The following APPL2 variants were observed in gnomAD, a reference collection of about 807,000 sequenced individuals.
APPL2 encodes the protein DCC-interacting protein 13-beta.
Under a neutral mutation model 92.7 loss-of-function variants are expected in APPL2, and 84 were observed. That is an observed-to-expected ratio of 0.91 (90% CI 0.76 to 1.09). APPL2 has a LOEUF of 1.09. Ranked by LOEUF, APPL2 falls within the 50% of genes least tolerant of loss-of-function variation. APPL2 has a pLI of 0.00. For synonymous variants in APPL2, 291 were observed against 291.0 expected (o/e 1.00, Z 0.00); for missense variants, 736 against 824.5 (o/e 0.89, Z 1.31).
Position 105,186,607 on chromosome 12 carries a change from TATATATATCATATATATATC to T in APPL2, c.1634+1646_1634+1665del, listed in dbSNP as rs202173519. Among the ~76,000 whole-genome samples, 819 of 88,012 alleles carry T rather than the reference TATATATATCATATATATATC, an allele frequency of 9.3e-3. 17 individuals carry two copies. The highest frequency in any genetic ancestry group is 0.044 in the African/African-American group (781 of 17,714). 57.7% of individuals were successfully genotyped at this position (88,012 alleles called of 152,430 possible). Reference sequence around the variant, plus strand: ...TGCTAAACGCTTATTTTCCATTAAATATATATATCATATATATATCATATATATCATATATATGATATCGA... The same window carrying T: ...TGCTAAACGCTTATTTTCCATTAAATATATATATCATATATATGATATCGA... On this transcript the variant is annotated intron_variant, in intron 17 of 20. Transcript: ENST00000258530.
intron 9 of APPL2, among the ~76,000 whole-genome samples, chr12:105,201,076 T>C (rs1273388489): frequency 4.6e-5 from 7 of 152,034 alleles, no homozygotes; most frequent in Non-Finnish European, 7.4e-5. Flanking sequence ...ACCCAGCTCA[T>C]TTTTGTATTT....
chr12:105,211,234 G>C lies in APPL2; in HGVS notation c.369C>G (p.Leu123=). The change falls in exon 5 of 21, where the codon CTC becomes CTG. Residue 123 remains leucine, a synonymous_variant. Coordinates refer to ENST00000258530, the MANE Select transcript of APPL2 (RefSeq NM_018171.5). ...LPIIQFREKD[L]TEVSTLKDLF... ...CATTGAACTCAGTTACTTTACCTGT[G>C]AGATCCTTTTCTCGGAATTGTATGA... The C allele has an allele frequency of 6.2e-7, 1 of 1,610,928 alleles. No homozygotes were observed. Among genetic ancestry groups the C allele is most frequent in the South Asian group, 1.1e-5 (1 of 90,992 alleles).
chr12:105,175,667 G>A (rs1885462163), intron 20 of APPL2, among the ~76,000 whole-genome samples: 1 of 152,200 alleles, frequency 6.6e-6, no homozygotes. Flanking sequence ...TTTCTTAAAA[G>A]CTCCCAGGTG....
In APPL2 at chr12:105,217,651, T is replaced by G. The variant is rs770779939; in HGVS notation, c.213+15A>C. 1.5e-5 allele frequency: 25 copies of G among 1,613,852 alleles called. 2 individuals carry two copies. In the South Asian group the frequency reaches 2.5e-4, roughly 16 times the overall value. The stretch of plus-strand genomic sequence containing the variant: ...GAACACAGCAGCATCACAGGCCACA[T>G]AAATACCAAGTTACCTGTTTTTCAT... On this transcript the variant is annotated intron_variant, in intron 3 of 20. Transcript: ENST00000258530.
At chr12:105,206,974 G>A (rs12311156) in intron 8 of APPL2, 87 bp downstream of exon 8, 151,419 of 1,487,530 alleles carry the variant, frequency 0.1, 8,776 homozygotes, top group African/African-American at 0.22. Flanking sequence ...TTCTTTCTAC[G>A]ACGATGCTTC....
chr12:105,207,176 G>A lies in APPL2; in HGVS notation c.506C>T (p.Ala169Val), dbSNP rs1422505852. ...VKTEVGKEVA[A>V]ARRKQHLSSL... Reference sequence around the variant, plus strand: ...GGAGAGGTGCTGCTTCCGCCGGGCCGCGGCCACCTCTTTTCCGACTTCGGT... The same window carrying A: ...GGAGAGGTGCTGCTTCCGCCGGGCCACGGCCACCTCTTTTCCGACTTCGGT... The change falls in exon 8 of 21, where the codon GCG becomes GTG. Residue 169 changes from alanine to valine, a missense_variant. By Grantham distance (64) the Ala-to-Val change is moderately conservative. Coordinates refer to ENST00000258530, the MANE Select transcript of APPL2 (RefSeq NM_018171.5). 5.6e-6 allele frequency: 9 copies of A among 1,613,728 alleles called. No individual in the cohort carries two copies. The highest frequency in any genetic ancestry group is 5.5e-5 in the South Asian group (5 of 91,000).
chr12:105,190,270 A>G, intron 14 of APPL2, 115 bp from the exon 15 acceptor site: 4 of 1,095,964 alleles, frequency 3.6e-6, no homozygotes, highest in Non-Finnish European at 3.9e-6. Context: ...GATTGACCTC[A>G]ATCCCTTAAT....
Position 105,176,046 on chromosome 12 carries a change from CAAT to C in APPL2, c.1846_1848del (p.Ile616del), listed in dbSNP as rs1885510601. On this transcript the variant is annotated inframe_deletion, in exon 20 of 21. Transcript: ENST00000258530. ...AGAATGCATCTTACCTTCTGAACCT[CAAT>C]AATTTCTTTTCCCAAATTAATAGCA... 1 of 1,592,780 alleles carries C rather than the reference CAAT, an allele frequency of 6.3e-7. No individual in the cohort carries two copies. Among genetic ancestry groups the C allele is most frequent in the Admixed American group, 1.8e-5 (1 of 55,350 alleles).
At chr12:105,200,101 T>A (rs1888032049) in intron 9 of APPL2, among the ~76,000 whole-genome samples, 1 of 152,162 alleles carries the variant, frequency 6.6e-6, no homozygotes, top group Non-Finnish European at 1.5e-5. Context: ...CCCAAAGTGC[T>A]GGGATTACAG....
chr12:105,200,561 C>T (rs954603058), intron 9 of APPL2, among the ~76,000 whole-genome samples: 16 of 152,192 alleles, frequency 1.1e-4, no homozygotes, highest in African/African-American at 3.9e-4. Context: ...CCCTACTGAG[C>T]TAGACCGCAC....
intron 9 of APPL2, among the ~76,000 whole-genome samples, chr12:105,201,328 C>T (rs748886228): frequency 6.6e-5 from 10 of 152,144 alleles, no homozygotes; most frequent in African/African-American, 1.9e-4. Context: ...TCATTAGCTT[C>T]GCCTGCTTGT....
At chr12:105,231,900 A>C (rs917343972) in intron 1 of APPL2, among the ~76,000 whole-genome samples, 9 of 152,218 alleles carry the variant, frequency 5.9e-5, no homozygotes, top group African/African-American at 2.2e-4. Context: ...GTCTGCTCAA[A>C]CTTTGGTTTG....
chr12:105,190,932 A>G (rs1887140881), intron 14 of APPL2, among the ~76,000 whole-genome samples: 1 of 152,224 alleles, frequency 6.6e-6, no homozygotes, highest in Non-Finnish European at 1.5e-5. Flanking sequence ...TCAACGTTTT[A>G]AAAATCTTTT....
rs757599181 is a variant in APPL2, at chr12:105,190,149, G to T, written c.1248C>A (p.Asn416Lys). The stretch of plus-strand genomic sequence containing the variant: ...CATTTTCCATCTCTGAATTTTTCAG[G>T]TTCTGGCTGAAGGGGAAAAAAATCA... The part of the protein sequence containing the change: ...KKQESSCPSQ[N>K]LKNSEMENEN... The change falls in exon 15 of 21, where the codon AAC (asparagine) becomes AAA (lysine). Residue 416 changes from asparagine (N) to lysine (K), a missense_variant. Coordinates refer to ENST00000258530, the MANE Select transcript of APPL2 (RefSeq NM_018171.5). 6 of 1,613,318 alleles carry T rather than the reference G, an allele frequency of 3.7e-6. 1 individual carries two copies. In the South Asian group the frequency reaches 4.4e-5, roughly 12 times the overall value.
At chr12:105,187,601 T>G (rs1432930095) in intron 17 of APPL2, among the ~76,000 whole-genome samples, 1 of 152,208 alleles carries the variant, frequency 6.6e-6, no homozygotes, top group South Asian at 2.1e-4. Context: ...GCGGCCACAT[T>G]AAGTGAAAAG....
rs527539102 is a variant in APPL2, at chr12:105,184,715, G to A, written c.1634+3558C>T. ...GATTCCTGCTGGGAGGTGTCTCCCC[G>A]TCAGGAACCACCAGAGTCAGGGACT... On this transcript the variant is annotated intron_variant, in intron 17 of 20. Transcript: ENST00000258530. 3.1e-3 allele frequency among the ~76,000 whole-genome samples: 467 copies of A among 152,310 alleles called. 3 individuals carry two copies. The highest frequency in any genetic ancestry group is 0.011 in the African/African-American group (437 of 41,548).
intron 17 of APPL2, among the ~76,000 whole-genome samples, chr12:105,183,914 C>T (rs1055943889): frequency 3.9e-5 from 6 of 152,204 alleles, no homozygotes; most frequent in Non-Finnish European, 7.3e-5. Context: ...TAGGTTTGGT[C>T]TTTTCACATA....
intron 8 of APPL2, 47 bp downstream of exon 8, chr12:105,207,014 C>T (rs368500631): frequency 2.3e-5 from 36 of 1,591,786 alleles, no homozygotes; most frequent in Middle Eastern, 3.6e-4. Context: ...CTCAGCAGAA[C>T]GCCACAGCTA....
chr12:105,179,851 C>T (rs966298229), intron 17 of APPL2, among the ~76,000 whole-genome samples: 11 of 152,108 alleles, frequency 7.2e-5, no homozygotes, highest in African/African-American at 2.7e-4. Flanking sequence ...TGTTTAAGTT[C>T]TTTGTAGATT....
Sources: allele counts gnomAD v4.1 joint callset (sites outside exome capture counted in the v4.1 genomes callset), GRCh38; gene constraint gnomAD v4.1.1; transcripts MANE v1.5; gene names NCBI Gene and HGNC (gene_info 2026-07-23, HGNC 2026-07-21).